The following PTPRN2 variants were observed in gnomAD, a reference collection of about 807,000 sequenced individuals.
The protein encoded by PTPRN2 is protein tyrosine phosphatase receptor type N2.
A neutral mutation model predicts 118.8 loss-of-function variants in PTPRN2; 74 were observed. The ratio of observed to expected loss-of-function variants is 0.62; its 90% CI spans 0.52 to 0.76. The LOEUF (loss-of-function observed/expected upper bound fraction) is 0.76, where lower values mean the gene tolerates loss of function less well. Among genes scored for constraint, PTPRN2 ranks in the 30% least tolerant of loss-of-function variants. The pLI, the probability that PTPRN2 is intolerant of heterozygous loss-of-function variation, is 0.00. For missense variants in PTPRN2, 1,481 were observed against 1,394.4 expected, an observed-to-expected ratio of 1.06 and a Z score of -0.99; for synonymous variants, 641 against 608.0, an observed-to-expected ratio of 1.05 and a Z score of -0.80.
Position 157,662,025 on chromosome 7 carries a change from G to A in PTPRN2, c.2002-5474C>T, listed in dbSNP as rs149702305. ...GAACTGCAAAAACAGACCTAACTTT[G>A]GTTCTTTTCCTTGACGTCCAGGGCA... On this transcript the variant is annotated intron_variant, in intron 13 of 22. Coordinates refer to ENST00000389418, the MANE Select transcript of PTPRN2 (RefSeq NM_002847.5). Among the ~76,000 whole-genome samples the A allele has an allele frequency of 4.9e-3, 753 of 152,238 alleles. 11 individuals are homozygous for A. Among genetic ancestry groups the A allele is most frequent in the African/African-American group, 0.017 (722 of 41,534 alleles).
intron 1 of PTPRN2, among the ~76,000 whole-genome samples, chr7:158,538,941 G>A (rs1325585845): frequency 6.6e-6 from 1 of 152,174 alleles, no homozygotes; most frequent in African/African-American, 2.4e-5. Context: ...CCCAGTCCCA[G>A]GACCTGCTGG....
At chr7:158,092,269 C>T (rs1259500263) in intron 10 of PTPRN2, among the ~76,000 whole-genome samples, 4 of 133,996 alleles carry the variant, frequency 3.0e-5, no homozygotes, top group Non-Finnish European at 6.2e-5. Context: ...CATATATATA[C>T]ATATATGTGT....
At chr7:157,727,623 T>C (rs919999144) in intron 12 of PTPRN2, among the ~76,000 whole-genome samples, 4 of 152,198 alleles carry the variant, frequency 2.6e-5, no homozygotes, top group Non-Finnish European at 5.9e-5. Context: ...TCGCACAACG[T>C]TGTGAACACA....
rs748923699 is a variant in PTPRN2 at position 158,367,307 on chromosome 7, C to A, written c.164-50375G>T. Among the ~76,000 whole-genome samples, 66 of 152,252 alleles carry A rather than the reference C, an allele frequency of 4.3e-4. 1 individual carries two copies. The highest frequency in any genetic ancestry group is 2.4e-3 in the Admixed American group (36 of 15,284). The stretch of plus-strand genomic sequence containing the variant: ...CACAGGCATTCACTCCCCATGTGGC[C>A]ATGAGCCCCCGATTCTCCAAGTCCT... On this transcript the variant is annotated intron_variant, in intron 2 of 22. Transcript: ENST00000389418.
intron 11 of PTPRN2, among the ~76,000 whole-genome samples, chr7:158,076,659 A>G (rs1403866390): frequency 6.6e-6 from 1 of 152,066 alleles, no homozygotes; most frequent in Non-Finnish European, 1.5e-5. Context: ...TGGACCCCAC[A>G]TCCAGGCTGC....
At chr7:157,571,273 A>G (rs1799745814) in intron 20 of PTPRN2, among the ~76,000 whole-genome samples, 167 bp downstream of exon 20, 1 of 151,344 alleles carries the variant, frequency 6.6e-6, no homozygotes, top group Non-Finnish European at 1.5e-5. Flanking sequence ...GCCCAATTGT[A>G]TTTACCCAAA....
intron 2 of PTPRN2, among the ~76,000 whole-genome samples, chr7:158,452,078 G>A (rs542455911): frequency 7.2e-5 from 11 of 152,066 alleles, no homozygotes; most frequent in South Asian, 2.1e-4. Context: ...ATACCCATAC[G>A]CATTTGGGTC....
intron 12 of PTPRN2, among the ~76,000 whole-genome samples, chr7:157,758,619 C>T (rs1001638339): frequency 6.6e-5 from 10 of 152,222 alleles, no homozygotes; most frequent in Non-Finnish European, 1.3e-4. Context: ...TGGGCGGACG[C>T]AGGGGTCCCT....
At chr7:158,337,207 G>T (rs956826510) in intron 2 of PTPRN2, among the ~76,000 whole-genome samples, 3 of 152,072 alleles carry the variant, frequency 2.0e-5, no homozygotes, top group Non-Finnish European at 2.9e-5. Flanking sequence ...CATAAGAGGT[G>T]ACACTTGCAG....
At chr7:157,857,385 G>A (rs1434668034) in intron 12 of PTPRN2, 1 of 152,246 alleles carries the variant, frequency 6.6e-6, no homozygotes, top group Non-Finnish European at 1.5e-5. Context: ...GCATCCCCTA[G>A]GGAGGAGGAG....
In PTPRN2 at chr7:158,563,274, G is replaced by A. The variant is rs553818995; in HGVS notation, c.112+24284C>T. 7.2e-5 allele frequency among the ~76,000 whole-genome samples: 11 copies of A among 152,266 alleles called. No homozygotes were observed. In the East Asian group the frequency reaches 9.6e-4, roughly 13 times the overall value. On this transcript the variant is annotated intron_variant, in intron 1 of 22. Transcript: ENST00000389418. The surrounding 1 kb of genome is among the most constrained non-coding windows in gnomAD (Gnocchi z 5.1). ...CTTGGAAAATATGAAATTGCTGACC[G>A]ATCCCCAGCATCAACTTCGCCAATA...
rs1424611135 is a variant in PTPRN2 at position 157,881,042 on chromosome 7, A to G, written c.1788+17631T>C. On this transcript the variant is annotated intron_variant, in intron 12 of 22. Transcript: ENST00000389418. This position sits in a 1 kb window ranked among gnomAD's most constrained non-coding sequence, Gnocchi z 4.7. ...CGAATGTGACTGTATGTGGAGATGG[A>G]GTTGTCTATAGGAGTCATTACGGTA... 6.6e-6 allele frequency among the ~76,000 whole-genome samples: 1 copy of G among 152,144 alleles called. No individual in the cohort carries two copies. The highest frequency in any genetic ancestry group is 1.5e-5 in the Non-Finnish European group (1 of 68,028).
chr7:157,804,907 C>A (rs1010891873), intron 12 of PTPRN2, among the ~76,000 whole-genome samples: 1 of 152,206 alleles, frequency 6.6e-6, no homozygotes, highest in Admixed American at 6.5e-5. Context: ...TGGAGCCTGG[C>A]AACAAGCATC....
intron 19 of PTPRN2, 74 bp downstream of exon 19, chr7:157,576,539 G>C (rs1343281236): frequency 1.4e-6 from 2 of 1,395,288 alleles, no homozygotes; most frequent in African/African-American, 2.9e-5. Context: ...GGGCGTCTCA[G>C]GAGCACCGAA....
At chr7:157,857,777 C>A (rs11769878) in intron 12 of PTPRN2, 1 of 152,154 alleles carries the variant, frequency 6.6e-6, no homozygotes, top group African/African-American at 2.4e-5. Context: ...AGCACCTCTT[C>A]GTGCAAGCGC....
At chr7:157,825,744 G>A (rs185777109) in intron 12 of PTPRN2, among the ~76,000 whole-genome samples, 7 of 152,276 alleles carry the variant, frequency 4.6e-5, no homozygotes, top group Middle Eastern at 6.8e-3. Context: ...GCAGATCTGA[G>A]AAAACCTGGC....
chr7:157,556,852 ACACT>A lies in PTPRN2; in HGVS notation c.2903-7837_2903-7834del, dbSNP rs556503232. On this transcript the variant is annotated intron_variant, in intron 21 of 22. Transcript: ENST00000389418. ...CACAAATATACACACAGCCATGCAC[ACACT>A]CACACAACATACATATCCATGCTCA... 1.5e-3 allele frequency among the ~76,000 whole-genome samples: 221 copies of A among 151,916 alleles called. 2 individuals are homozygous for A. Among genetic ancestry groups the A allele is most frequent in the African/African-American group, 3.7e-3 (152 of 41,390 alleles).
At chr7:157,727,270 T>C (rs1474250254) in intron 12 of PTPRN2, among the ~76,000 whole-genome samples, 1 of 152,130 alleles carries the variant, frequency 6.6e-6, no homozygotes, top group Non-Finnish European at 1.5e-5. Context: ...ATGTGGTCCA[T>C]CCACACTGAC....
At chr7:158,521,942 ACT>A (rs1563388583) in intron 1 of PTPRN2, among the ~76,000 whole-genome samples, 7 of 18,572 alleles carry the variant, frequency 3.8e-4, no homozygotes, top group East Asian at 2.3e-3. Flanking sequence ...CTGTCCGGGT[ACT>A]GGCTCGGGAG....
Sources: allele counts gnomAD v4.1 joint callset (sites outside exome capture counted in the v4.1 genomes callset), GRCh38; gene constraint gnomAD v4.1.1; non-coding constraint Gnocchi (gnomAD v3.1); transcripts MANE v1.5; gene names NCBI Gene and HGNC (gene_info 2026-07-23, HGNC 2026-07-21).